TCF12: variants seen among roughly 807,000 people sequenced by gnomAD.
TCF12 encodes DNA-binding protein HTF4.
A neutral mutation model predicts 86.0 loss-of-function variants in TCF12; 45 were observed. The ratio of observed to expected loss-of-function variants is 0.52; its 90% confidence interval spans 0.41 to 0.67. The LOEUF (loss-of-function observed/expected upper bound fraction) is 0.67, where lower values mean the gene tolerates loss of function less well. Ranked by LOEUF, TCF12 falls within the 30% of genes least tolerant of loss-of-function variation. The pLI is 0.00. For missense variants in TCF12, 881 were observed against 859.9 expected, an observed-to-expected ratio of 1.02 and a Z score of -0.31; for synonymous variants, 330 against 299.6, an observed-to-expected ratio of 1.10 and a Z score of -1.05.
intron 3 of TCF12, among the ~76,000 whole-genome samples, chr15:57,018,489 G>A (rs1371087736): frequency 6.6e-6 from 1 of 151,360 alleles, no homozygotes; most frequent in Non-Finnish European, 1.5e-5. Context: ...TTGAGATGGG[G>A]CCTAGCTCTA....
At chr15:57,123,240 A>T (rs1347145096) in intron 5 of TCF12, among the ~76,000 whole-genome samples, 1 of 152,354 alleles carries the variant, frequency 6.6e-6, no homozygotes, top group East Asian at 1.9e-4. Context: ...TCTTAAGTGA[A>T]TGAAAGTCTG....
Position 57,223,661 on chromosome 15 carries a change from T to TTTTTTTTTTTTTA in TCF12, c.580-7481_580-7480insTTATTTTTTTTTT, listed in dbSNP as rs1265091469. On this transcript the variant is annotated intron_variant, in intron 8 of 20. Coordinates refer to ENST00000333725, the MANE Select transcript of TCF12 (RefSeq NM_207037.2). ...CAATGAGGTTTTTTTTTTTTTTTTT[T>TTTTTTTTTTTTTA]TTTTTTTTTTAGAAATAGAGTAGCA... 2.4e-4 allele frequency among the ~76,000 whole-genome samples: 34 copies of TTTTTTTTTTTTTA among 142,596 alleles called. 1 individual carries two copies. Among genetic ancestry groups the TTTTTTTTTTTTTA allele is most frequent in the South Asian group, 4.7e-4 (2 of 4,216 alleles). 93.5% of individuals were successfully genotyped at this position (142,596 alleles called of 152,430 possible). A position where few individuals can be genotyped will look rare whatever the true frequency, so the allele number is the denominator to read the frequency against.
intron 4 of TCF12, among the ~76,000 whole-genome samples, chr15:57,064,084 C>G (rs551983274): frequency 2.0e-5 from 3 of 152,172 alleles, no homozygotes; most frequent in Non-Finnish European, 4.4e-5. Flanking sequence ...GCTTAGAATG[C>G]ATAAGTGCTC....
chr15:57,232,689 A>G (rs1185723079), intron 10 of TCF12, 23 bp from the exon 11 acceptor site: 3 of 1,600,564 alleles, frequency 1.9e-6, no homozygotes, highest in African/African-American at 2.7e-5. Flanking sequence ...TATATTTAAT[A>G]GATCATATCT....
intron 3 of TCF12, among the ~76,000 whole-genome samples, chr15:57,047,817 A>G (rs138172106): frequency 4.9e-4 from 75 of 152,310 alleles, no homozygotes; most frequent in African/African-American, 1.7e-3. Context: ...ATTTCATTCT[A>G]TTGCTAACAT....
rs182846093 is a variant in TCF12, at chr15:56,923,604, T to C, written c.148+2506T>C. On this transcript the variant is annotated intron_variant, in intron 3 of 20. Transcript: ENST00000333725. ...GGCAGTGTATAGAAACAAAGGGCAG[T>C]GTATAGAAGGAAAGTTGGTTAAAAG... Among the ~76,000 whole-genome samples the C allele has an allele frequency of 9.9e-5, 15 of 152,212 alleles. No individual in the cohort carries two copies. The East Asian group carries it at 2.1e-3, about 22-fold the overall frequency.
At chr15:57,262,265 T>G in intron 17 of TCF12, 57 bp downstream of exon 17, 1 of 1,226,868 alleles carries the variant, frequency 8.2e-7, no homozygotes, top group Non-Finnish European at 1.2e-6. Context: ...TTTGGAACAC[T>G]GTCACCTTTC....
At chr15:57,280,608 G>C (rs2061643180) in intron 19 of TCF12, among the ~76,000 whole-genome samples, 1 of 152,154 alleles carries the variant, frequency 6.6e-6, no homozygotes, top group Non-Finnish European at 1.5e-5. Context: ...AGTGGCACTT[G>C]CTGGTAGTCC....
chr15:56,951,880 T>C (rs1282384896), intron 3 of TCF12, among the ~76,000 whole-genome samples: 1 of 152,164 alleles, frequency 6.6e-6, no homozygotes, highest in Non-Finnish European at 1.5e-5. Flanking sequence ...ACTCCTGGGC[T>C]CAGAGGATTC....
chr15:57,207,232 A>G (rs1436007104), intron 8 of TCF12, among the ~76,000 whole-genome samples: 3 of 152,196 alleles, frequency 2.0e-5, no homozygotes, highest in Non-Finnish European at 4.4e-5. Context: ...TCTGGTCTAA[A>G]CATAAAACCT....
chr15:57,273,028 A>G lies in TCF12; in HGVS notation c.1746-2A>G. 6.2e-7 allele frequency: 1 copy of G among 1,613,366 alleles called. No individual in the cohort carries two copies. Among genetic ancestry groups the G allele is most frequent in the Non-Finnish European group, 8.5e-7 (1 of 1,179,448 alleles). ...AGACCTTGTTGTTACTTTATTTTCT[A>G]GCAGTACTAATGAAGATGAGGATTT... On this transcript the variant is annotated splice_acceptor_variant, in intron 18 of 20. Coordinates refer to ENST00000333725, the MANE Select transcript of TCF12 (RefSeq NM_207037.2). LOFTEE classifies it high-confidence loss of function.
At chr15:57,138,719 A>G (rs532567488) in intron 5 of TCF12, among the ~76,000 whole-genome samples, 1 of 152,360 alleles carries the variant, frequency 6.6e-6, no homozygotes, top group African/African-American at 2.4e-5. Flanking sequence ...TGGTAGAGCT[A>G]GAAGAGGCCT....
rs148437458 is a variant in TCF12 at position 57,262,134 on chromosome 15, A to G, written c.1508A>G (p.Asn503Ser). The part of the protein sequence containing the change: ...HREDSVSLNG[N>S]HSVLSSTVTT... ...GAAGACTCTGTCAGTCTCAATGGCA[A>G]TCATTCAGTCCTGTCTAGTACAGTC... The change falls in exon 17 of 21, where the codon AAT becomes AGT. Residue 503 changes from asparagine (N) to serine (S), a missense_variant. By Grantham distance (46) the Asn-to-Ser change is conservative. Coordinates refer to ENST00000333725, the MANE Select transcript of TCF12 (RefSeq NM_207037.2). 49 of 1,613,512 alleles carry G rather than the reference A, an allele frequency of 3.0e-5. No individual in the cohort carries two copies. Among genetic ancestry groups the G allele is most frequent in the Non-Finnish European group, 3.9e-5 (46 of 1,179,712 alleles).
chr15:56,954,700 A>G (rs1316025361), intron 3 of TCF12, among the ~76,000 whole-genome samples: 1 of 152,236 alleles, frequency 6.6e-6, no homozygotes, highest in Non-Finnish European at 1.5e-5. Flanking sequence ...TCCAGAATCT[A>G]CAAGGAACTC....
At chr15:57,029,281 T>C (rs1287755256) in intron 3 of TCF12, among the ~76,000 whole-genome samples, 1 of 152,084 alleles carries the variant, frequency 6.6e-6, no homozygotes, top group Non-Finnish European at 1.5e-5. Flanking sequence ...TTTGACCACA[T>C]GTATTTGATT....
chr15:57,105,901 A>AT (rs1161455552), intron 5 of TCF12, among the ~76,000 whole-genome samples: 1 of 152,222 alleles, frequency 6.6e-6, no homozygotes, highest in African/African-American at 2.4e-5. Flanking sequence ...TATGTTCGTT[A>AT]TAAGGGGTAT....
intron 3 of TCF12, among the ~76,000 whole-genome samples, chr15:57,048,796 A>G (rs11857224): frequency 0.077 from 11,779 of 152,262 alleles, 538 homozygotes; most frequent in Middle Eastern, 0.15. Flanking sequence ...GGAAAAATTT[A>G]TATATGGTGA....
intron 8 of TCF12, among the ~76,000 whole-genome samples, chr15:57,213,864 G>A (rs1174007150): frequency 4.6e-5 from 7 of 152,130 alleles, no homozygotes; most frequent in African/African-American, 9.7e-5. Flanking sequence ...AGTCAATAGC[G>A]CAAAGCCTTG....
chr15:57,186,267 C>T (rs1209220671), intron 6 of TCF12, among the ~76,000 whole-genome samples: 3 of 152,098 alleles, frequency 2.0e-5, no homozygotes, highest in African/African-American at 4.8e-5. Context: ...GGCAGGCTGA[C>T]GTGAGAGGAT....
Sources: gnomAD v4.1 joint callset for allele counts (sites outside exome capture counted in the v4.1 genomes callset) on GRCh38, gnomAD v4.1.1 for gene constraint, MANE v1.5 for transcripts, NCBI Gene and HGNC (gene_info 2026-07-23, HGNC 2026-07-21) for gene names.